Variants in PARP6 observed in about 807,000 individuals in gnomAD.
PARP6 encodes protein mono-ADP-ribosyltransferase PARP6.
Under a neutral mutation model 92.0 loss-of-function variants are expected in PARP6, and 27 were observed. The observed-to-expected ratio is 0.29, with a 90% CI of 0.22 to 0.40. The LOEUF is 0.40. PARP6 is among the 10% of genes least tolerant of loss of function. PARP6 has a pLI of 1.00. For synonymous variants in PARP6, 272 were observed against 281.2 expected, an observed-to-expected ratio of 0.97 and a Z score of 0.33; for missense variants, 501 against 784.5, an observed-to-expected ratio of 0.64 and a Z score of 4.32.
chr15:72,259,932 T>C (rs954061062), intron 10 of PARP6, among the ~76,000 whole-genome samples: 2 of 152,216 alleles, frequency 1.3e-5, no homozygotes, highest in Non-Finnish European at 2.9e-5. Context: ...AAATCATACA[T>C]GACTTCTCCT....
intron 3 of PARP6, 91 bp downstream of exon 3, chr15:72,267,384 G>A (rs1438206101): frequency 7.1e-7 from 1 of 1,398,752 alleles, no homozygotes; most frequent in African/African-American, 1.4e-5. Flanking sequence ...CAAAAGGGTA[G>A]AAGGGAAAAT....
chr15:72,272,544 C>A lies in PARP6; in HGVS notation c.-611G>T, dbSNP rs1448636629. The A allele has an allele frequency of 6.6e-6, 1 of 150,816 alleles. No individual in the cohort carries two copies. The highest frequency in any genetic ancestry group is 2.1e-4 in the South Asian group (1 of 4,826). 9.3% of individuals were successfully genotyped at this position (150,816 alleles called of 1,614,324 possible). On this transcript the variant is annotated 5_prime_UTR_variant, in exon 1 of 24. Transcript: ENST00000569795. The stretch of plus-strand genomic sequence containing the variant: ...GCGCGGCCGCAGCCGACGGGACGAG[C>A]GGCCCGGGACGCCCCGCGGGGGCGG...
At chr15:72,255,715 T>C (rs2084992367) in intron 14 of PARP6, among the ~76,000 whole-genome samples, 2 of 150,192 alleles carry the variant, frequency 1.3e-5, no homozygotes, top group African/African-American at 4.9e-5. Flanking sequence ...TCTCTCTCCA[T>C]ATATATCTCC....
rs1465191751 is a variant in PARP6, at chr15:72,241,368, G to T, written c.*87C>A. The T allele has an allele frequency of 8.7e-6, 8 of 916,408 alleles. No homozygotes were observed. The highest frequency in any genetic ancestry group is 6.8e-5 in the South Asian group (5 of 74,070). The allele number at this position is 916,408 out of a possible 1,614,324, so 56.8% of individuals were successfully genotyped here. Reference sequence around the variant, plus strand: ...TTGGTAATGGCCCCTTGATTCCTCAGGGCAGCCTCAGCTGCTGTACCTGAA... The same window carrying T: ...TTGGTAATGGCCCCTTGATTCCTCATGGCAGCCTCAGCTGCTGTACCTGAA... On this transcript the variant is annotated 3_prime_UTR_variant, in exon 24 of 24. Transcript: ENST00000569795. The surrounding 1 kb of genome is among the most constrained non-coding windows in gnomAD (Gnocchi z 4.1).
At chr15:72,271,782 T>C (rs1261637647) in intron 1 of PARP6, among the ~76,000 whole-genome samples, 1 of 152,218 alleles carries the variant, frequency 6.6e-6, no homozygotes, top group Non-Finnish European at 1.5e-5. Flanking sequence ...GGGCCAAAAA[T>C]AGACTATATG....
chr15:72,242,839 G>A lies in PARP6; in HGVS notation c.1562-140C>T, dbSNP rs2083210078. On this transcript the variant is annotated intron_variant, in intron 20 of 23. Transcript: ENST00000569795. The surrounding 1 kb of genome is among the most constrained non-coding windows in gnomAD (Gnocchi z 4.3). The stretch of plus-strand genomic sequence containing the variant: ...TATTTTCCCCCACAGAATTTAGTCT[G>A]CTGGAAATTACAAGCAAGAACAAGT... The A allele has an allele frequency of 1.1e-5, 7 of 620,180 alleles. No individual in the cohort carries two copies. The allele number at this position is 620,180 out of a possible 1,614,324, so 38.4% of individuals were successfully genotyped here. A position where few individuals can be genotyped will look rare whatever the true frequency, so the allele number is the denominator to read the frequency against.
chr15:72,260,636 C>T lies in PARP6; in HGVS notation c.598G>A (p.Val200Ile), dbSNP rs2085744782. The change falls in exon 10 of 24, where the codon GTA (valine) becomes ATA (isoleucine). Residue 200 changes from valine to isoleucine, a missense_variant. Physicochemically the swap from Val to Ile is conservative, Grantham distance 29 (BLOSUM62 3). This residue lies in a region of PARP6 where 291 missense variants were observed against 352.0 expected (regional missense o/e 0.83). Coordinates refer to ENST00000569795, the MANE Select transcript of PARP6 (RefSeq NM_001323532.2). Reference protein sequence around the residue: ...QDSMLKGKLGVPELRVGRLMN... With the variant: ...QDSMLKGKLGIPELRVGRLMN... ...AGGCGCCCAACCCGAAGCTCTGGTA[C>T]ACCTAGTTTGCCTTTCAGCATGGAG... 2 of 1,614,072 alleles carry T rather than the reference C, an allele frequency of 1.2e-6. No individual in the cohort carries two copies. The highest frequency in any genetic ancestry group is 1.3e-5 in the African/African-American group (1 of 74,928).
At chr15:72,269,042 G>T (rs1473990354) in intron 2 of PARP6, among the ~76,000 whole-genome samples, 1 of 152,170 alleles carries the variant, frequency 6.6e-6, no homozygotes, top group East Asian at 1.9e-4. Flanking sequence ...CTAAAAGCAG[G>T]CTAAAAAAGC....
intron 9 of PARP6, among the ~76,000 whole-genome samples, 154 bp from the exon 10 acceptor site, chr15:72,260,842 TA>T (rs2085777224): frequency 6.6e-6 from 1 of 152,164 alleles, no homozygotes; most frequent in South Asian, 2.1e-4. Flanking sequence ...TAAACACTAT[TA>T]AAACAAGTAG....
intron 13 of PARP6, among the ~76,000 whole-genome samples, 200 bp downstream of exon 13, chr15:72,257,148 T>A (rs1383663237): frequency 6.6e-6 from 1 of 152,236 alleles, no homozygotes. Flanking sequence ...ATAGTACATC[T>A]ACTCTAACGA....
At chr15:72,262,033 G>C (rs1230432094) in intron 8 of PARP6, among the ~76,000 whole-genome samples, 1 of 152,196 alleles carries the variant, frequency 6.6e-6, no homozygotes, top group Non-Finnish European at 1.5e-5. Flanking sequence ...TGTTGACAGG[G>C]AAACAGAAGT....
At chr15:72,267,226 C>G in intron 3 of PARP6, 1 of 576,220 alleles carries the variant, frequency 1.7e-6, no homozygotes, top group South Asian at 2.1e-5. Context: ...CACACCTAAA[C>G]TCTCTTGTCT....
At position 72,267,453 on chromosome 15, in the gene PARP6, G is replaced by C. The variant is rs777172219; in HGVS notation, c.3+22C>G. 3.7e-6 allele frequency: 6 copies of C among 1,613,080 alleles called. No homozygotes were observed. The East Asian group carries it at 1.1e-4, about 30-fold the overall frequency. On this transcript the variant is annotated intron_variant, in intron 3 of 23. Coordinates refer to ENST00000569795, the MANE Select transcript of PARP6 (RefSeq NM_001323532.2). ...TCTACCCTTTGAACAATCAGTTGGA[G>C]AGGTGGGCAGTCAGTTCTCACCATT...
rs75422914 is a variant in PARP6, at chr15:72,271,796, A to C, written c.-459-509T>G. On this transcript the variant is annotated intron_variant, in intron 1 of 23. Transcript: ENST00000569795. ...TGGGCCAAAAATAGACTATATGATG[A>C]GTGTCCAGAGAAGGTGTTAAAACTC... Among the ~76,000 whole-genome samples the C allele has an allele frequency of 9.0e-3, 1,371 of 152,334 alleles. 9 individuals are homozygous for C. Among genetic ancestry groups the C allele is most frequent in the Middle Eastern group, 0.034 (10 of 294 alleles).
At chr15:72,249,662 T>A (rs1415253305) in intron 19 of PARP6, among the ~76,000 whole-genome samples, 1 of 152,254 alleles carries the variant, frequency 6.6e-6, no homozygotes, top group African/African-American at 2.4e-5. Flanking sequence ...ACACACTCCC[T>A]GGAGTCTCTC....
chr15:72,256,688 G>T, intron 13 of PARP6, 98 bp from the exon 14 acceptor site: 1 of 1,047,020 alleles, frequency 9.6e-7, no homozygotes, highest in Non-Finnish European at 1.3e-6. Context: ...CTTTTAAAAA[G>T]CAAATATGTT....
intron 11 of PARP6, 39 bp downstream of exon 11, chr15:72,259,569 C>G (rs760716784): frequency 6.3e-7 from 1 of 1,592,946 alleles, no homozygotes; most frequent in South Asian, 1.1e-5. Flanking sequence ...GGTCAGACAA[C>G]AGGGAAGGGC....
At chr15:72,250,237 G>C in intron 18 of PARP6, 145 bp from the exon 19 acceptor site, 1 of 647,090 alleles carries the variant, frequency 1.5e-6, no homozygotes, top group Non-Finnish European at 2.9e-6. Flanking sequence ...CATGGATACA[G>C]TCACAGGCAT....
chr15:72,260,151 G>A (rs11858015), intron 10 of PARP6, among the ~76,000 whole-genome samples: 30,586 of 152,052 alleles, frequency 0.2, 3,302 homozygotes, highest in East Asian at 0.41. Flanking sequence ...GCAAAAGCCC[G>A]TCTCTACAAA....
Sources: allele counts gnomAD v4.1 joint callset (sites outside exome capture counted in the v4.1 genomes callset), GRCh38; gene constraint gnomAD v4.1.1; regional missense constraint gnomAD v4.1.1; non-coding constraint Gnocchi (gnomAD v3.1); transcripts MANE v1.5; gene names NCBI Gene and HGNC (gene_info 2026-07-23, HGNC 2026-07-21).